GULP1: variants seen among roughly 807,000 people sequenced by gnomAD.
GULP1 encodes PTB domain-containing engulfment adapter protein 1.
GULP1 carries 19 observed loss-of-function variants against 40.9 expected under a neutral mutation model. The ratio of observed to expected loss-of-function variants is 0.46; its 90% CI spans 0.32 to 0.68. The LOEUF is 0.68. Among genes scored for constraint, GULP1 ranks in the 30% least tolerant of loss-of-function variants. GULP1 has a pLI of 0.03. For missense variants in GULP1, 312 were observed against 362.2 expected, an observed-to-expected ratio of 0.86 and a Z score of 1.12; for synonymous variants, 119 against 117.6, an observed-to-expected ratio of 1.01 and a Z score of -0.08.
At chr2:188,416,054 G>A (rs2054538775) in intron 2 of GULP1, among the ~76,000 whole-genome samples, 3 of 152,110 alleles carry the variant, frequency 2.0e-5, no homozygotes, top group Non-Finnish European at 2.9e-5. Context: ...CTAGAATAAA[G>A]TGGGAATATA....
At chr2:188,541,867 CG>C (rs2153327200) in intron 7 of GULP1, 1 of 157,172 alleles carries the variant, frequency 6.4e-6, no homozygotes, top group Admixed American at 6.4e-5. Flanking sequence ...CCCAGCACTT[CG>C]GGAGGCCGAG....
intron 11 of GULP1, chr2:188,590,035 T>A (rs1305483163): frequency 5.2e-6 from 1 of 191,320 alleles, no homozygotes; most frequent in East Asian, 1.2e-4. Context: ...TGCAGTGGCA[T>A]GATCTTGGCT....
intron 4 of GULP1, among the ~76,000 whole-genome samples, chr2:188,491,014 T>A (rs2062328356): frequency 6.6e-6 from 1 of 151,972 alleles, no homozygotes; most frequent in South Asian, 2.1e-4. Context: ...TTATTGCTGG[T>A]CTTGAACTCC....
intron 1 of GULP1, among the ~76,000 whole-genome samples, chr2:188,351,706 A>G (rs887055103): frequency 2.0e-5 from 3 of 152,152 alleles, no homozygotes; most frequent in African/African-American, 7.2e-5. Context: ...GCTTTATGAG[A>G]CCATGTTACA....
intron 1 of GULP1, among the ~76,000 whole-genome samples, chr2:188,352,829 A>T (rs1224975801): frequency 6.6e-6 from 1 of 152,204 alleles, no homozygotes; most frequent in Admixed American, 6.5e-5. Context: ...TTCTAGATTC[A>T]TTATACATTG....
intron 2 of GULP1, among the ~76,000 whole-genome samples, chr2:188,388,916 A>G (rs1191165381): frequency 6.6e-6 from 1 of 152,242 alleles, no homozygotes; most frequent in Non-Finnish European, 1.5e-5. Context: ...CCCCAAAAAC[A>G]TTAAGTCTGA....
chr2:188,447,847 C>T (rs1168565376), intron 2 of GULP1, among the ~76,000 whole-genome samples: 1 of 152,152 alleles, frequency 6.6e-6, no homozygotes, highest in Non-Finnish European at 1.5e-5. Context: ...TCACAACCTG[C>T]ATGATGCTGT....
intron 1 of GULP1, among the ~76,000 whole-genome samples, chr2:188,334,743 C>G (rs1022726986): frequency 6.6e-6 from 1 of 152,210 alleles, no homozygotes; most frequent in African/African-American, 2.4e-5. Context: ...TGCAACTTTT[C>G]TGTAATTCCA....
At position 188,495,871 on chromosome 2, in the gene GULP1, A is replaced by G. The variant is rs1365596343; in HGVS notation, c.90+12379A>G. 2.0e-5 allele frequency among the ~76,000 whole-genome samples: 3 copies of G among 152,182 alleles called. No individual in the cohort carries two copies. The East Asian group carries it at 5.8e-4, about 30-fold the overall frequency. Reference sequence around the variant, plus strand: ...GAAAAAAAAGCTTCCGTGATTTCAAACAACTATCTTACAGATGGGATTTTT... The same window carrying G: ...GAAAAAAAAGCTTCCGTGATTTCAAGCAACTATCTTACAGATGGGATTTTT... On this transcript the variant is annotated intron_variant, in intron 4 of 11. Transcript: ENST00000409830.
intron 4 of GULP1, 64 bp downstream of exon 4, chr2:188,483,556 A>C (rs2061602879): frequency 3.2e-6 from 2 of 622,472 alleles, no homozygotes; most frequent in East Asian, 3.1e-5. Context: ...ATTCATGGCT[A>C]ATCTCAGATT....
chr2:188,545,207 A>G (rs913581783), intron 7 of GULP1, among the ~76,000 whole-genome samples: 5 of 151,896 alleles, frequency 3.3e-5, no homozygotes, highest in Non-Finnish European at 7.4e-5. Flanking sequence ...GTTTGCCACT[A>G]CTAGATATCC....
intron 1 of GULP1, among the ~76,000 whole-genome samples, chr2:188,324,154 T>G (rs994403599): frequency 6.6e-6 from 1 of 152,082 alleles, no homozygotes; most frequent in African/African-American, 2.4e-5. Flanking sequence ...TTATAAGACA[T>G]CCTAATGTCT....
chr2:188,491,082 G>A (rs751333272), intron 4 of GULP1, among the ~76,000 whole-genome samples: 1 of 152,024 alleles, frequency 6.6e-6, no homozygotes, highest in South Asian at 2.1e-4. Flanking sequence ...ACAGGGATGA[G>A]CCACCATGCC....
At chr2:188,365,349 G>C (rs1318093962) in intron 1 of GULP1, among the ~76,000 whole-genome samples, 1 of 152,154 alleles carries the variant, frequency 6.6e-6, no homozygotes, top group Non-Finnish European at 1.5e-5. Context: ...CACCATTCAT[G>C]TAAGGGGCTT....
chr2:188,422,236 AT>A (rs1458247555), intron 2 of GULP1, among the ~76,000 whole-genome samples: 1 of 151,618 alleles, frequency 6.6e-6, no homozygotes, highest in African/African-American at 2.4e-5. Flanking sequence ...GAGATTCATA[AT>A]TTTTTAAAAG....
chr2:188,392,798 C>G (rs75088200), intron 2 of GULP1, among the ~76,000 whole-genome samples: 2,747 of 152,080 alleles, frequency 0.018, 84 homozygotes, highest in African/African-American at 0.061. Context: ...TATTATGCTT[C>G]ATTTCAAAGA....
intron 2 of GULP1, among the ~76,000 whole-genome samples, chr2:188,464,301 G>T (rs1365518985): frequency 6.6e-6 from 1 of 152,286 alleles, no homozygotes; most frequent in Non-Finnish European, 1.5e-5. Context: ...AGATCCCAAA[G>T]AATTCTCTGG....
chr2:188,338,241 C>T (rs929817874), intron 1 of GULP1, among the ~76,000 whole-genome samples: 7 of 151,826 alleles, frequency 4.6e-5, no homozygotes, highest in African/African-American at 1.5e-4. Flanking sequence ...TAATTATTAA[C>T]CACAATCTTA....
chr2:188,355,165 A>T (rs901553837), intron 1 of GULP1, among the ~76,000 whole-genome samples: 4 of 152,104 alleles, frequency 2.6e-5, no homozygotes, highest in Non-Finnish European at 4.4e-5. Flanking sequence ...CAAACCCAAA[A>T]TTAGAAAGAA....
Sources: allele counts gnomAD v4.1 joint callset (sites outside exome capture counted in the v4.1 genomes callset), GRCh38; gene constraint gnomAD v4.1.1; transcripts MANE v1.5; gene names NCBI Gene and HGNC (gene_info 2026-07-23, HGNC 2026-07-21).